The following PTPRD variants were observed in gnomAD, a reference collection of about 807,000 sequenced individuals.
PTPRD encodes protein tyrosine phosphatase receptor type D.
In PTPRD, 34 loss-of-function variants were observed where a neutral mutation model predicts 214.5. The observed-to-expected ratio is 0.16, with a 90% CI of 0.12 to 0.21. The LOEUF (loss-of-function observed/expected upper bound fraction) is 0.21, where lower values mean the gene tolerates loss of function less well. PTPRD is among the 10% of genes least tolerant of loss of function. PTPRD has a pLI of 1.00. For missense variants in PTPRD, 2,545 were observed against 2,398.7 expected, an observed-to-expected ratio of 1.06 and a Z score of -1.27; for synonymous variants, 1,128 against 845.7, an observed-to-expected ratio of 1.33 and a Z score of -5.79.
At chr9:8,392,737 T>G (rs1459373039) in intron 36 of PTPRD, among the ~76,000 whole-genome samples, 3 of 152,084 alleles carry the variant, frequency 2.0e-5, no homozygotes, top group African/African-American at 7.2e-5. Flanking sequence ...GAAAAGACAT[T>G]TCAGGTAAGT....
At chr9:8,930,796 T>G (rs2098947302) in intron 11 of PTPRD, among the ~76,000 whole-genome samples, 1 of 152,198 alleles carries the variant, frequency 6.6e-6, no homozygotes, top group Non-Finnish European at 1.5e-5. Context: ...TTGCCCACTT[T>G]TTGATGGGGT....
intron 21 of PTPRD, among the ~76,000 whole-genome samples, chr9:8,507,858 T>A (rs1017419815): frequency 5.3e-5 from 8 of 152,190 alleles, no homozygotes; most frequent in Admixed American, 6.5e-5. Flanking sequence ...TAGCACTACA[T>A]GTAACATTCA....
chr9:8,518,699 G>T (rs967816110), intron 20 of PTPRD, among the ~76,000 whole-genome samples: 3 of 152,096 alleles, frequency 2.0e-5, no homozygotes, highest in Non-Finnish European at 2.9e-5. Flanking sequence ...GATCCTGCAC[G>T]CATTTCTTAA....
chr9:8,834,649 A>G (rs911047508), intron 11 of PTPRD, among the ~76,000 whole-genome samples: 5 of 152,208 alleles, frequency 3.3e-5, no homozygotes, highest in African/African-American at 1.2e-4. Context: ...TGAGGTAGGT[A>G]GGTACTCATA....
At chr9:9,869,165 G>T (rs1209230811) in intron 5 of PTPRD, among the ~76,000 whole-genome samples, 2 of 152,076 alleles carry the variant, frequency 1.3e-5, no homozygotes, top group African/African-American at 4.8e-5. Flanking sequence ...AATTGATAAA[G>T]GGAATCAATC....
At chr9:8,551,118 G>A (rs564753977) in intron 14 of PTPRD, among the ~76,000 whole-genome samples, 3 of 152,048 alleles carry the variant, frequency 2.0e-5, no homozygotes, top group Non-Finnish European at 2.9e-5. Context: ...TTATTCCCTT[G>A]GAGTATTTTA....
chr9:9,328,013 T>C (rs755760364), intron 9 of PTPRD, among the ~76,000 whole-genome samples: 1 of 152,056 alleles, frequency 6.6e-6, no homozygotes, highest in African/African-American at 2.4e-5. Flanking sequence ...CCACGGGCCA[T>C]GGACTGGACA....
intron 4 of PTPRD, among the ~76,000 whole-genome samples, chr9:10,015,980 G>C (rs539658758): frequency 1.3e-5 from 2 of 152,202 alleles, no homozygotes; most frequent in East Asian, 3.9e-4. Context: ...CTGTCTACAA[G>C]ACAATATACT....
chr9:8,450,650 T>C (rs1404299697), intron 33 of PTPRD, among the ~76,000 whole-genome samples: 1 of 152,178 alleles, frequency 6.6e-6, no homozygotes, highest in Non-Finnish European at 1.5e-5. Context: ...AAAAGCTATC[T>C]ACTAGCTTTA....
intron 11 of PTPRD, among the ~76,000 whole-genome samples, chr9:8,977,901 G>C (rs1028279528): frequency 6.6e-6 from 1 of 151,980 alleles, no homozygotes; most frequent in African/African-American, 2.4e-5. Context: ...GAGAAAGGTG[G>C]CCAGTAAAAT....
At chr9:9,745,090 AAAGT>A (rs1318671469) in intron 6 of PTPRD, among the ~76,000 whole-genome samples, 1 of 152,082 alleles carries the variant, frequency 6.6e-6, no homozygotes, top group Non-Finnish European at 1.5e-5. Flanking sequence ...TTAAACATGA[AAAGT>A]AACTTAATTA....
chr9:10,023,908 T>C (rs1024639406), intron 4 of PTPRD, among the ~76,000 whole-genome samples: 1 of 150,646 alleles, frequency 6.6e-6, no homozygotes, highest in African/African-American at 2.4e-5. Context: ...TGGTTTACAA[T>C]ATAATGATTA....
chr9:8,805,791 C>A (rs947124107), intron 11 of PTPRD, among the ~76,000 whole-genome samples: 1 of 151,028 alleles, frequency 6.6e-6, no homozygotes, highest in South Asian at 2.1e-4. Flanking sequence ...GTCAGGAGAT[C>A]GAGACCATCC....
rs762045164 is a variant in PTPRD, at chr9:8,340,482, G to C, written c.5127-13C>G. On this transcript the variant is annotated splice_polypyrimidine_tract_variant and intron_variant, in intron 41 of 45. Transcript: ENST00000381196. ...GGCTTTCTGTTGTCTGAATTACAGA[G>C]AATGAAAAGAATGTGTTAAAGTATT... 117 of 1,552,868 alleles carry C rather than the reference G, an allele frequency of 7.5e-5. No individual in the cohort carries two copies. The highest frequency in any genetic ancestry group is 1.0e-4 in the Non-Finnish European group (114 of 1,137,110).
At chr9:8,572,557 A>G (rs114190688) in intron 14 of PTPRD, among the ~76,000 whole-genome samples, 214 of 152,202 alleles carry the variant, frequency 1.4e-3, no homozygotes, top group Admixed American at 3.5e-3. Flanking sequence ...AATGAAGAGT[A>G]ATGGTCTAAA....
In PTPRD at chr9:8,500,866, G is replaced by A. The variant is rs1027099282; in HGVS notation, c.2016C>T (p.Tyr672=). The change falls in exon 24 of 46, where the codon TAC becomes TAT. Residue 672 remains tyrosine (Y), a synonymous_variant. Coordinates refer to ENST00000381196, the MANE Select transcript of PTPRD (RefSeq NM_002839.4). The stretch of plus-strand genomic sequence containing the variant: ...TCCATTTTTCCAGCTGTTCCAAAAG[G>A]TATTTGGTAGTGTCCGAAGGAATTC... ...ILGIPSDTTK[Y]LLEQLEKWTE... 1.9e-6 allele frequency: 3 copies of A among 1,614,160 alleles called. No individual in the cohort carries two copies. Among genetic ancestry groups the A allele is most frequent in the Non-Finnish European group, 1.7e-6 (2 of 1,180,026 alleles).
intron 39 of PTPRD, among the ~76,000 whole-genome samples, chr9:8,368,050 T>C (rs948767306): frequency 6.6e-6 from 1 of 152,170 alleles, no homozygotes; most frequent in African/African-American, 2.4e-5. Context: ...TTCACTACCA[T>C]ACAATGCTGG....
chr9:8,376,330 A>G (rs1389987474), intron 38 of PTPRD, among the ~76,000 whole-genome samples: 1 of 152,082 alleles, frequency 6.6e-6, no homozygotes, highest in Non-Finnish European at 1.5e-5. Flanking sequence ...TTTAACTACC[A>G]GGAGAGCTCC....
intron 14 of PTPRD, among the ~76,000 whole-genome samples, chr9:8,573,463 C>T (rs2091668363): frequency 6.6e-6 from 1 of 151,884 alleles, no homozygotes; most frequent in Non-Finnish European, 1.5e-5. Flanking sequence ...TCATCTCAAA[C>T]AATACTGAAG....
Sources: gnomAD v4.1 joint callset for allele counts (sites outside exome capture counted in the v4.1 genomes callset) on GRCh38, gnomAD v4.1.1 for gene constraint, MANE v1.5 for transcripts, NCBI Gene and HGNC (gene_info 2026-07-23, HGNC 2026-07-21) for gene names.